The following RILPL2 variants were observed in gnomAD, a reference collection of about 807,000 sequenced individuals.
The protein encoded by RILPL2 is RILP-like protein 2.
RILPL2 carries 19 observed loss-of-function variants against 22.2 expected under a neutral mutation model. The ratio of observed to expected loss-of-function variants is 0.86; its 90% confidence interval spans 0.60 to 1.25. The LOEUF (loss-of-function observed/expected upper bound fraction) is 1.25. Among genes scored for constraint, RILPL2 ranks in the 50% most tolerant of loss-of-function variants. The pLI is 0.00. For synonymous variants in RILPL2, 123 were observed against 111.6 expected (o/e 1.10, Z -0.64); for missense variants, 243 against 263.6 (o/e 0.92, Z 0.54).
downstream of RILPL2, among the ~76,000 whole-genome samples, chr12:123,410,479 A>G (rs145616243): frequency 2.0e-5 from 3 of 152,312 alleles, no homozygotes; most frequent in Non-Finnish European, 4.4e-5. Flanking sequence ...TGTCTCAAAT[A>G]GGGATAATCT....
chr12:123,422,413 G>C (rs866459158), intron 3 of RILPL2, among the ~76,000 whole-genome samples: 2 of 152,166 alleles, frequency 1.3e-5, no homozygotes, highest in Non-Finnish European at 1.5e-5. Context: ...CTACTCAGTA[G>C]GCTGAGGCAG....
intron 1 of RILPL2, among the ~76,000 whole-genome samples, chr12:123,433,704 G>A (rs1040829610): frequency 2.6e-5 from 4 of 152,104 alleles, no homozygotes; most frequent in African/African-American, 4.8e-5. Flanking sequence ...GAGCCACCGC[G>A]CCTGGCCTGG....
intron 3 of RILPL2, 137 bp from the exon 4 acceptor site, chr12:123,416,058 C>G (rs560253709): frequency 2.3e-6 from 2 of 860,004 alleles, no homozygotes; most frequent in Admixed American, 1.8e-5. Context: ...GTGGCTCACG[C>G]CTGTAATCCT....
chr12:123,425,483 T>C (rs1879420052), intron 2 of RILPL2, among the ~76,000 whole-genome samples: 1 of 150,188 alleles, frequency 6.7e-6, no homozygotes, highest in Non-Finnish European at 1.5e-5. Context: ...CTGGCCGAAT[T>C]GTGTGTCTTT....
chr12:123,430,302 G>A (rs886344842), intron 2 of RILPL2, among the ~76,000 whole-genome samples: 4 of 151,692 alleles, frequency 2.6e-5, no homozygotes, highest in Admixed American at 6.6e-5. Context: ...CCAGCTACTC[G>A]GGAGGCTGAG....
chr12:123,423,199 G>C, intron 2 of RILPL2, 42 bp from the exon 3 acceptor site: 11 of 1,035,952 alleles, frequency 1.1e-5, no homozygotes, highest in Non-Finnish European at 1.4e-5. Flanking sequence ...TTTTATTACA[G>C]ATCGTTTTTT....
chr12:123,410,154 T>A (rs974101644), downstream of RILPL2, among the ~76,000 whole-genome samples: 7 of 152,240 alleles, frequency 4.6e-5, no homozygotes, highest in Non-Finnish European at 7.3e-5. Flanking sequence ...GCTTAAAAGT[T>A]AATGCATTTT....
intron 3 of RILPL2, among the ~76,000 whole-genome samples, chr12:123,421,732 A>G (rs942485337): frequency 2.0e-5 from 3 of 148,754 alleles, no homozygotes; most frequent in African/African-American, 7.5e-5. Flanking sequence ...CAGTGGCACA[A>G]TCTCGGCTCA....
At chr12:123,418,756 C>CTTTTTTTTTTTT (rs1202023726) in intron 3 of RILPL2, among the ~76,000 whole-genome samples, 19 of 96,232 alleles carry the variant, frequency 2.0e-4, no homozygotes, top group African/African-American at 3.8e-4. Flanking sequence ...CTTTTTCTTT[C>CTTTTTTTTTTTT]TTTTTTTTTT....
chr12:123,432,273 G>C (rs779360090), intron 1 of RILPL2, among the ~76,000 whole-genome samples: 1 of 152,170 alleles, frequency 6.6e-6, no homozygotes, highest in African/African-American at 2.4e-5. Context: ...TGGGAGGCTA[G>C]AGCGGGTGGA....
At chr12:123,418,567 C>T (rs1879182196) in intron 3 of RILPL2, among the ~76,000 whole-genome samples, 1 of 152,076 alleles carries the variant, frequency 6.6e-6, no homozygotes, top group South Asian at 2.1e-4. Flanking sequence ...ACAACAGTGC[C>T]TGGCACATGG....
At position 123,419,642 on chromosome 12, in the gene RILPL2, A is replaced by T. The variant is rs916087410; in HGVS notation, c.605+3402T>A. 8.3e-5 allele frequency among the ~76,000 whole-genome samples: 10 copies of T among 120,290 alleles called. No individual in the cohort carries two copies. In the East Asian group the frequency reaches 2.2e-3, roughly 27 times the overall value. 78.9% of individuals were successfully genotyped at this position (120,290 alleles called of 152,430 possible). A position where few individuals can be genotyped will look rare whatever the true frequency, so the allele number is the denominator to read the frequency against. On this transcript the variant is annotated intron_variant, in intron 3 of 3. Transcript: ENST00000280571. ...TTTTTTTGAGATGGAGTCTTGCTCT[A>T]TTGCCCAGGCTGGAGTGCAGGGGTG...
intron 3 of RILPL2, among the ~76,000 whole-genome samples, chr12:123,416,909 C>G (rs1879132713): frequency 6.6e-6 from 1 of 152,148 alleles, no homozygotes; most frequent in African/African-American, 2.4e-5. Context: ...AACAAGACAG[C>G]CAATGAAAGT....
At chr12:123,413,954 G>A (rs1879046154), downstream of RILPL2, 1 of 152,266 alleles carries the variant, frequency 6.6e-6, no homozygotes, top group African/African-American at 2.4e-5. Flanking sequence ...CAAACCTTGA[G>A]CTAGATACAG....
chr12:123,410,691 G>T (rs181203176), downstream of RILPL2: 20 of 149,952 alleles, frequency 1.3e-4, no homozygotes, highest in African/African-American at 4.7e-4. Context: ...CAGGGTGATT[G>T]TGAGGATTTA....
chr12:123,421,256 C>G (rs1879274658), intron 3 of RILPL2, among the ~76,000 whole-genome samples: 2 of 152,060 alleles, frequency 1.3e-5, no homozygotes, highest in African/African-American at 4.8e-5. Flanking sequence ...GTTGGCCAGG[C>G]TGGTCTCGAA....
At chr12:123,422,037 C>G (rs1879298777) in intron 3 of RILPL2, among the ~76,000 whole-genome samples, 1 of 147,416 alleles carries the variant, frequency 6.8e-6, no homozygotes, top group Non-Finnish European at 1.5e-5. Context: ...GGGTCACGCT[C>G]TGTTACCCAG....
downstream of RILPL2, among the ~76,000 whole-genome samples, chr12:123,410,405 G>T (rs140406922): frequency 1.3e-5 from 2 of 152,256 alleles, no homozygotes; most frequent in African/African-American, 4.8e-5. Flanking sequence ...TCCAGTTCCA[G>T]CATCAGTTTT....
At chr12:123,430,330 A>G (rs896413890) in intron 2 of RILPL2, among the ~76,000 whole-genome samples, 178 bp downstream of exon 2, 3 of 151,636 alleles carry the variant, frequency 2.0e-5, no homozygotes, top group African/African-American at 7.3e-5. Flanking sequence ...AATGGCGTGA[A>G]CCCGGGAGGC....
Sources: allele counts gnomAD v4.1 joint callset (sites outside exome capture counted in the v4.1 genomes callset), GRCh38; gene constraint gnomAD v4.1.1; transcripts MANE v1.5; gene names NCBI Gene and HGNC (gene_info 2026-07-23, HGNC 2026-07-21).